APBB1IP: variants seen among roughly 807,000 people sequenced by gnomAD.
The protein encoded by APBB1IP is amyloid beta A4 precursor protein-binding family B member 1-interacting protein.
A neutral mutation model predicts 64.9 loss-of-function variants in APBB1IP; 27 were observed. The ratio of observed to expected loss-of-function variants is 0.42; its 90% CI spans 0.31 to 0.57. The LOEUF is 0.57. APBB1IP is among the 20% of genes least tolerant of loss of function. APBB1IP has a pLI of 0.20. For synonymous variants in APBB1IP, 392 were observed against 331.0 expected (o/e 1.18, Z -2.00); for missense variants, 812 against 845.5 (o/e 0.96, Z 0.49).
chr10:26,494,282 G>A (rs958614077), intron 3 of APBB1IP, among the ~76,000 whole-genome samples: 3 of 152,216 alleles, frequency 2.0e-5, no homozygotes, highest in Non-Finnish European at 4.4e-5. Context: ...CCTGGCAGCT[G>A]TAGGGCCAGG....
intron 12 of APBB1IP, 120 bp downstream of exon 12, chr10:26,560,323 A>T: frequency 1.1e-6 from 1 of 900,194 alleles, no homozygotes; most frequent in East Asian, 2.5e-5. Context: ...CACAGACATT[A>T]TCAGGTTTAT....
At chr10:26,471,309 C>T (rs1442630151) in intron 2 of APBB1IP, among the ~76,000 whole-genome samples, 1 of 152,136 alleles carries the variant, frequency 6.6e-6, no homozygotes, top group Non-Finnish European at 1.5e-5. Flanking sequence ...GCACACGGGG[C>T]TAATTCTGCA....
chr10:26,481,837 G>A (rs949959552), intron 2 of APBB1IP, among the ~76,000 whole-genome samples: 1 of 144,124 alleles, frequency 6.9e-6, no homozygotes, highest in African/African-American at 2.9e-5. Context: ...GTGTGTGTGT[G>A]TGTGTGTGTG....
At chr10:26,491,324 G>A (rs946873632) in intron 2 of APBB1IP, among the ~76,000 whole-genome samples, 12 of 152,130 alleles carry the variant, frequency 7.9e-5, no homozygotes, top group South Asian at 4.1e-4. Context: ...GAGAAATGCC[G>A]TTAGAAATGG....
intron 14 of APBB1IP, 81 bp downstream of exon 14, chr10:26,562,510 A>T (rs1223386378): frequency 1.6e-6 from 2 of 1,270,364 alleles, no homozygotes; most frequent in Non-Finnish European, 2.3e-6. Context: ...TTTTAAAAAG[A>T]GAAAATAAGC....
intron 2 of APBB1IP, among the ~76,000 whole-genome samples, chr10:26,445,498 C>T (rs1835386988): frequency 6.6e-6 from 1 of 152,164 alleles, no homozygotes; most frequent in African/African-American, 2.4e-5. Flanking sequence ...TATCCTCCCG[C>T]TTCGGCCTCC....
chr10:26,527,069 C>T (rs571780799), intron 8 of APBB1IP, among the ~76,000 whole-genome samples: 59 of 152,272 alleles, frequency 3.9e-4, no homozygotes, highest in Middle Eastern at 3.4e-3. Flanking sequence ...CTCAGCCCAC[C>T]AAGGGCAGTC....
At chr10:26,497,492 A>G (rs1836040867) in intron 4 of APBB1IP, among the ~76,000 whole-genome samples, 1 of 151,646 alleles carries the variant, frequency 6.6e-6, no homozygotes, top group Non-Finnish European at 1.5e-5. Flanking sequence ...CGGAGCTTGC[A>G]GTGAGCTGAG....
In APBB1IP at chr10:26,511,727, C is replaced by T. The variant is rs201060835; in HGVS notation, c.532-20C>T. ...TCCAGTTGCTGAAATTTACTGGCTGCCCCATGGTTCTATCCTCAGCTCGTC... is the reference window on the plus strand; with the variant it reads ...TCCAGTTGCTGAAATTTACTGGCTGTCCCATGGTTCTATCCTCAGCTCGTC... On this transcript the variant is annotated intron_variant, in intron 6 of 14. Transcript: ENST00000376236. The T allele has an allele frequency of 1.9e-6, 3 of 1,609,762 alleles. No homozygotes were observed. Among genetic ancestry groups the T allele is most frequent in the Admixed American group, 1.7e-5 (1 of 59,872 alleles).
chr10:26,472,934 C>CAAAAAAAA (rs879867349), intron 2 of APBB1IP, among the ~76,000 whole-genome samples: 25,235 of 146,032 alleles, frequency 0.17, 2,422 homozygotes, highest in African/African-American at 0.27. Context: ...GAGACTTCAT[C>CAAAAAAAA]AAAAACAAAA....
At chr10:26,453,357 T>C (rs1835485724) in intron 2 of APBB1IP, among the ~76,000 whole-genome samples, 2 of 152,156 alleles carry the variant, frequency 1.3e-5, no homozygotes, top group Non-Finnish European at 2.9e-5. Context: ...AGTGGTGTGC[T>C]GGGCATGGAC....
rs1423284762 is a variant in APBB1IP, at chr10:26,471,973, G to A, written c.1-20354G>A. On this transcript the variant is annotated intron_variant, in intron 2 of 14. Transcript: ENST00000376236. ...GCTGGGATTACAGGCGTGAGCCACT[G>A]TGCCCGGCCTGTTTGAGCTTATTCA... Among the ~76,000 whole-genome samples, 5 of 152,296 alleles carry A rather than the reference G, an allele frequency of 3.3e-5. No homozygotes were observed. In the South Asian group the frequency reaches 1.0e-3, roughly 32 times the overall value.
At chr10:26,525,900 G>A (rs1334935403) in intron 8 of APBB1IP, among the ~76,000 whole-genome samples, 1 of 152,078 alleles carries the variant, frequency 6.6e-6, no homozygotes, top group Admixed American at 6.6e-5. Context: ...ATTCTTCTCT[G>A]GGTCCCTGTG....
intron 7 of APBB1IP, 69 bp downstream of exon 7, chr10:26,511,975 G>T (rs1836266873): frequency 3.3e-6 from 5 of 1,524,688 alleles, no homozygotes; most frequent in Non-Finnish European, 4.5e-6. Flanking sequence ...ATGGGCTTGG[G>T]TTTATTCTTT....
rs1200383377 is a variant in APBB1IP at position 26,438,797 on chromosome 10, C to G, written c.-57C>G. On this transcript the variant is annotated 5_prime_UTR_variant, in exon 2 of 15. Coordinates refer to ENST00000376236, the MANE Select transcript of APBB1IP (RefSeq NM_019043.4). ...GGCAGTCTGCACCGCGCGTCGCTTT[C>G]CCGGCCGGAGTCTCGCCGCCTTCCC... 1 of 152,620 alleles carries G rather than the reference C, an allele frequency of 6.6e-6. No homozygotes were observed. The highest frequency in any genetic ancestry group is 1.5e-5 in the Non-Finnish European group (1 of 68,392). The allele number at this position is 152,620 out of a possible 1,614,324, so 9.5% of individuals were successfully genotyped here.
chr10:26,479,599 AAC>A (rs1835812563), intron 2 of APBB1IP, among the ~76,000 whole-genome samples: 1 of 152,346 alleles, frequency 6.6e-6, no homozygotes, highest in African/African-American at 2.4e-5. Context: ...TTTGAAAAAA[AAC>A]AATAAAAATA....
At chr10:26,506,263 TGG>T in intron 6 of APBB1IP, among the ~76,000 whole-genome samples, 1 of 52,622 alleles carries the variant, frequency 1.9e-5, no homozygotes, top group African/African-American at 9.0e-5. Context: ...GGGGGGGGGG[TGG>T]GGGGCAAGGT....
At chr10:26,500,720 A>G in intron 4 of APBB1IP, 99 bp from the exon 5 acceptor site, 2 of 1,139,848 alleles carry the variant, frequency 1.8e-6, no homozygotes, top group Non-Finnish European at 2.5e-6. Context: ...CAAGATAATG[A>G]TTCCTTTCTA....
intron 11 of APBB1IP, 131 bp from the exon 12 acceptor site, chr10:26,559,974 A>G (rs941627393): frequency 1.9e-5 from 14 of 733,044 alleles, no homozygotes; most frequent in Middle Eastern, 2.4e-4. Flanking sequence ...TAATCTTAAC[A>G]TTACAACCAG....
Sources: gnomAD v4.1 joint callset for allele counts (sites outside exome capture counted in the v4.1 genomes callset) on GRCh38, gnomAD v4.1.1 for gene constraint, MANE v1.5 for transcripts, NCBI Gene and HGNC (gene_info 2026-07-23, HGNC 2026-07-21) for gene names.